The following RGS20 variants were observed in gnomAD, a reference collection of about 807,000 sequenced individuals.
RGS20 encodes gz-selective GTPase-activating protein.
A neutral mutation model predicts 33.6 loss-of-function variants in RGS20; 30 were observed. That is an observed-to-expected ratio of 0.89 (90% CI 0.67 to 1.21). The LOEUF is 1.21. Among genes scored for constraint, RGS20 ranks in the 50% most tolerant of loss-of-function variants. The pLI is 0.00. For synonymous variants in RGS20, 208 were observed against 197.9 expected, an observed-to-expected ratio of 1.05 and a Z score of -0.43; for missense variants, 472 against 502.4, an observed-to-expected ratio of 0.94 and a Z score of 0.58.
intron 1 of RGS20, among the ~76,000 whole-genome samples, chr8:53,853,987 G>A (rs965737391): frequency 4.6e-5 from 7 of 152,060 alleles, no homozygotes; most frequent in African/African-American, 1.7e-4. Flanking sequence ...AAGAGGGAAC[G>A]TGAGCTAAAA....
chr8:53,874,369 T>G (rs371067876), intron 1 of RGS20, among the ~76,000 whole-genome samples: 33 of 75,370 alleles, frequency 4.4e-4, no homozygotes, highest in East Asian at 2.4e-3. Flanking sequence ...CAATAAGGGG[T>G]GTGTGTGTGT....
chr8:53,926,158 C>T (rs1011264359), intron 2 of RGS20, among the ~76,000 whole-genome samples: 5 of 152,044 alleles, frequency 3.3e-5, no homozygotes, highest in East Asian at 1.9e-4. Flanking sequence ...TGCAGTGAGC[C>T]GTGTTCACAC....
intron 4 of RGS20, among the ~76,000 whole-genome samples, chr8:53,947,634 G>T (rs1814548519): frequency 2.2e-5 from 2 of 92,998 alleles, no homozygotes; most frequent in African/African-American, 8.5e-5. Flanking sequence ...GCTATATATA[G>T]GATATAGTAC....
chr8:53,947,348 T>C (rs994300774), intron 4 of RGS20, among the ~76,000 whole-genome samples: 1 of 137,422 alleles, frequency 7.3e-6, no homozygotes, highest in Non-Finnish European at 1.5e-5. Context: ...AGATAGTATA[T>C]ATATTATATA....
At chr8:53,860,644 C>G (rs539986358) in intron 1 of RGS20, among the ~76,000 whole-genome samples, 44 of 152,224 alleles carry the variant, frequency 2.9e-4, no homozygotes, top group Non-Finnish European at 5.4e-4. Context: ...AGGATCTGGC[C>G]CAGTATAGAT....
chr8:53,906,878 C>T (rs1430556815), intron 2 of RGS20, among the ~76,000 whole-genome samples: 2 of 152,066 alleles, frequency 1.3e-5, no homozygotes, highest in African/African-American at 4.8e-5. Flanking sequence ...TCATAGCATC[C>T]CAGTGCAATG....
At position 53,958,688 on chromosome 8, in the gene RGS20, T is replaced by A. The variant is rs1464452134; in HGVS notation, c.*230T>A. ...AAGGGATATGGCTGTTGTAGAAAGATAGCGTATTTGCATTTACAATAACAG... is the reference window on the plus strand; with the variant it reads ...AAGGGATATGGCTGTTGTAGAAAGAAAGCGTATTTGCATTTACAATAACAG... On this transcript the variant is annotated 3_prime_UTR_variant, in exon 6 of 6. Transcript: ENST00000297313. 4.2e-6 allele frequency: 1 copy of A among 238,518 alleles called. No homozygotes were observed. The highest frequency in any genetic ancestry group is 5.5e-5 in the Admixed American group (1 of 18,338). 14.8% of individuals were successfully genotyped at this position (238,518 alleles called of 1,614,324 possible). A position where few individuals can be genotyped will look rare whatever the true frequency, so the allele number is the denominator to read the frequency against.
At chr8:53,942,191 T>C (rs1264684668) in intron 3 of RGS20, among the ~76,000 whole-genome samples, 1 of 152,056 alleles carries the variant, frequency 6.6e-6, no homozygotes, top group African/African-American at 2.4e-5. Context: ...GAGAATCGCT[T>C]GAACCTGGGA....
Position 53,939,716 on chromosome 8 carries a change from C to A in RGS20, c.651C>A (p.Ser217Arg), listed in dbSNP as rs1055361610. ...GCTTCTGCTGGTGCTGCTGTTGTAG[C>A]TGCTCGTGGTAAGGTTTGGGGCTTT... The change falls in exon 3 of 6, where the codon AGC becomes AGA. Residue 217 changes from serine (S) to arginine (R), a missense_variant. Physicochemically the swap from Ser to Arg is moderately radical, Grantham distance 110. Transcript: ENST00000297313. The A allele has an allele frequency of 6.4e-7, 1 of 1,555,992 alleles. No individual in the cohort carries two copies. Among genetic ancestry groups the A allele is most frequent in the African/African-American group, 1.4e-5 (1 of 73,718 alleles).
rs1188379946 is a variant in RGS20 at position 53,959,291 on chromosome 8, A to G, written c.*833A>G. 6.6e-6 allele frequency: 1 copy of G among 152,190 alleles called. No individual in the cohort carries two copies. The highest frequency in any genetic ancestry group is 1.5e-5 in the Non-Finnish European group (1 of 68,022). The allele number at this position is 152,190 out of a possible 1,614,324, so 9.4% of individuals were successfully genotyped here. A position where few individuals can be genotyped will look rare whatever the true frequency, so the allele number is the denominator to read the frequency against. On this transcript the variant is annotated 3_prime_UTR_variant, in exon 6 of 6. Transcript: ENST00000297313. ...ATTCTTTAAAGAAATAAAGCACAAGAATTTTATCTCAATCTTTATTTTTCC... is the reference window on the plus strand; with the variant it reads ...ATTCTTTAAAGAAATAAAGCACAAGGATTTTATCTCAATCTTTATTTTTCC...
At chr8:53,881,044 C>G (rs1038756445) in intron 2 of RGS20, 1 of 1,559,904 alleles carries the variant, frequency 6.4e-7, no homozygotes, top group Non-Finnish European at 8.6e-7. Context: ...GGCGAGCCGG[C>G]CGGGGCTTCC....
At position 53,954,066 on chromosome 8, in the gene RGS20, C is replaced by G; in HGVS notation, c.744-10C>G. 3 of 1,600,462 alleles carry G rather than the reference C, an allele frequency of 1.9e-6. No homozygotes were observed. The highest frequency in any genetic ancestry group is 2.6e-6 in the Non-Finnish European group (3 of 1,167,758). On this transcript the variant is annotated splice_polypyrimidine_tract_variant and intron_variant, in intron 4 of 5. Coordinates refer to ENST00000297313, the MANE Select transcript of RGS20 (RefSeq NM_170587.4). ...TCCCTTTTGCCCCCTCTCTTTTGGT[C>G]TCCACGAAGCCCTGCTCCTACTCTG...
chr8:53,885,867 G>A (rs181082363), intron 2 of RGS20, among the ~76,000 whole-genome samples: 4 of 149,248 alleles, frequency 2.7e-5, no homozygotes, highest in East Asian at 3.9e-4. Context: ...TTGCATCTTG[G>A]GATACTTACT....
intron 1 of RGS20, among the ~76,000 whole-genome samples, chr8:53,875,269 T>TA (rs1298066544): frequency 2.0e-5 from 3 of 151,432 alleles, no homozygotes; most frequent in African/African-American, 7.3e-5. Context: ...CCATCTCTAC[T>TA]AAAAATACAA....
At chr8:53,931,980 G>A (rs553949495) in intron 2 of RGS20, among the ~76,000 whole-genome samples, 1 of 152,290 alleles carries the variant, frequency 6.6e-6, no homozygotes, top group Non-Finnish European at 1.5e-5. Flanking sequence ...GCACTTGCCT[G>A]TCTGTAAAGG....
intron 2 of RGS20, among the ~76,000 whole-genome samples, chr8:53,932,012 T>C (rs1813984618): frequency 6.6e-6 from 1 of 152,254 alleles, no homozygotes; most frequent in Non-Finnish European, 1.5e-5. Flanking sequence ...TCTTTGCTTA[T>C]GAAGCATAGT....
intron 1 of RGS20, among the ~76,000 whole-genome samples, chr8:53,859,940 G>A (rs1169791492): frequency 6.6e-6 from 1 of 152,180 alleles, no homozygotes; most frequent in Non-Finnish European, 1.5e-5. Context: ...GACATATGGG[G>A]ATTATGGGAG....
At chr8:53,876,006 G>T (rs184895874) in intron 1 of RGS20, 72 of 152,292 alleles carry the variant, frequency 4.7e-4, no homozygotes, top group African/African-American at 1.7e-3. Context: ...TTCACTGTCA[G>T]CTAGATTCTT....
chr8:53,870,812 C>T (rs993288179), intron 1 of RGS20, among the ~76,000 whole-genome samples: 3 of 152,040 alleles, frequency 2.0e-5, no homozygotes, highest in Non-Finnish European at 2.9e-5. Context: ...TCTAGCAGCA[C>T]TTCAAAATTA....
Sources: allele counts gnomAD v4.1 joint callset (sites outside exome capture counted in the v4.1 genomes callset), GRCh38; gene constraint gnomAD v4.1.1; transcripts MANE v1.5; gene names NCBI Gene and HGNC (gene_info 2026-07-23, HGNC 2026-07-21).